USP6NL: variants seen among roughly 807,000 people sequenced by gnomAD.
USP6NL encodes the protein USP6 N-terminal like, also known as USP6 N-terminal-like protein.
Under a neutral mutation model 61.9 loss-of-function variants are expected in USP6NL, and 26 were observed. The observed-to-expected ratio is 0.42, with a 90% CI of 0.31 to 0.58. The LOEUF is 0.58. USP6NL is among the 20% of genes least tolerant of loss of function. The pLI, the probability that USP6NL is intolerant of heterozygous loss-of-function variation, is 0.16. For synonymous variants in USP6NL, 432 were observed against 390.1 expected (o/e 1.11, Z -1.27); for missense variants, 1,114 against 1,034.3 (o/e 1.08, Z -1.06).
intron 6 of USP6NL, among the ~76,000 whole-genome samples, chr10:11,509,155 T>C (rs1461339945): frequency 6.6e-6 from 1 of 152,256 alleles, no homozygotes; most frequent in African/African-American, 2.4e-5. Flanking sequence ...TTGCTCCTGC[T>C]TGAGGGAATG....
At chr10:11,608,966 C>T (rs1227293453) in intron 1 of USP6NL, among the ~76,000 whole-genome samples, 1 of 152,220 alleles carries the variant, frequency 6.6e-6, no homozygotes, top group East Asian at 1.9e-4. Context: ...CTTACAGTGA[C>T]TTCCACTGTA....
In USP6NL at chr10:11,485,746, G is replaced by A. The variant is rs570922391; in HGVS notation, c.759+71C>T. The A allele has an allele frequency of 2.7e-4, 269 of 1,000,670 alleles. 1 individual carries two copies. The African/African-American group carries it at 3.8e-3, about 14-fold the overall frequency. The allele number at this position is 1,000,670 out of a possible 1,614,324, so 62.0% of individuals were successfully genotyped here. On this transcript the variant is annotated intron_variant, in intron 11 of 14. Transcript: ENST00000609104. The surrounding 1 kb of genome is among the most constrained non-coding windows in gnomAD (Gnocchi z 4.8). ...AAATTAATAAGGTAATTGGACCAAA[G>A]ACAATTTAATTATCCCAGCTTTTTT...
chr10:11,570,059 C>T (rs1837302744), intron 2 of USP6NL, among the ~76,000 whole-genome samples: 1 of 152,188 alleles, frequency 6.6e-6, no homozygotes, highest in Non-Finnish European at 1.5e-5. Context: ...AGCTAGCTAG[C>T]TAGCCTTTAT....
rs1373471012 is a variant in USP6NL at position 11,489,123 on chromosome 10, C to T, written c.643G>A (p.Gly215Ser). The stretch of plus-strand genomic sequence containing the variant: ...TTACCATGCATGGCATGTTTAGGGC[C>T]TGAGAAGAGTTTGACCAGGGCCCAG... ...AFWALVKLFSGPKHAMHGFFV... is the reference protein window; with the variant it reads ...AFWALVKLFSSPKHAMHGFFV... Residue 215 changes from glycine (G) to serine (S), a missense_variant, in exon 10 of 15, where the codon GGC (glycine) becomes AGC (serine). Gly to Ser is a moderately conservative substitution (Grantham distance 56). Transcript: ENST00000609104. The surrounding 1 kb of genome is among the most constrained non-coding windows in gnomAD (Gnocchi z 5.7). 6.2e-7 allele frequency: 1 copy of T among 1,613,842 alleles called. No individual in the cohort carries two copies. Among genetic ancestry groups the T allele is most frequent in the Admixed American group, 1.7e-5 (1 of 60,028 alleles).
chr10:11,506,230 AT>A (rs1190736229), intron 6 of USP6NL, among the ~76,000 whole-genome samples: 7 of 152,350 alleles, frequency 4.6e-5, no homozygotes, highest in Non-Finnish European at 7.3e-5. Flanking sequence ...CAACAAAAAA[AT>A]ATGTGTATTT....
intron 14 of USP6NL, among the ~76,000 whole-genome samples, chr10:11,477,889 G>A (rs1013958474): frequency 3.3e-4 from 50 of 152,252 alleles, no homozygotes; most frequent in African/African-American, 1.2e-3. Context: ...CAAGCACTTT[G>A]ATTTTTCAAG....
intron 13 of USP6NL, among the ~76,000 whole-genome samples, chr10:11,484,507 C>A (rs1254798044): frequency 6.6e-6 from 1 of 151,936 alleles, no homozygotes; most frequent in East Asian, 1.9e-4. Context: ...GTGCTCCCAA[C>A]CACAGTTCAG....
chr10:11,580,867 TGATG>T (rs112761648), intron 2 of USP6NL, among the ~76,000 whole-genome samples: 1,897 of 149,848 alleles, frequency 0.013, 14 homozygotes, highest in African/African-American at 0.026. Flanking sequence ...AACGGATAGA[TGATG>T]GATGGATGGA....
chr10:11,571,305 C>T (rs1837352303), intron 2 of USP6NL, among the ~76,000 whole-genome samples: 1 of 151,976 alleles, frequency 6.6e-6, no homozygotes, highest in Non-Finnish European at 1.5e-5. Flanking sequence ...AGGCTGGTCT[C>T]GAAATCCCGA....
At chr10:11,488,669 C>T (rs1833581130) in intron 10 of USP6NL, among the ~76,000 whole-genome samples, 1 of 152,160 alleles carries the variant, frequency 6.6e-6, no homozygotes, top group African/African-American at 2.4e-5. Context: ...TGTCATTTCT[C>T]AATTACTGTT....
In USP6NL at chr10:11,509,667, G is replaced by C. The variant is rs1250977091; in HGVS notation, c.204C>G (p.His68Gln). The change falls in exon 6 of 15, where the codon CAC becomes CAG. Residue 68 changes from histidine to glutamine, a missense_variant. Coordinates refer to ENST00000609104, the MANE Select transcript of USP6NL (RefSeq NM_014688.5). Reference sequence around the variant, plus strand: ...ATTTGGTAGTTCTTTCAATTTCCAGGTGCTTTTGCTAAAATAAAATTGAAA... The same window carrying C: ...ATTTGGTAGTTCTTTCAATTTCCAGCTGCTTTTGCTAAAATAAAATTGAAA... ...DHNVAVERQKHLEIERTTKWL... is the reference protein window; with the variant it reads ...DHNVAVERQKQLEIERTTKWL... 1 of 1,559,952 alleles carries C rather than the reference G, an allele frequency of 6.4e-7. No individual in the cohort carries two copies. Among genetic ancestry groups the C allele is most frequent in the Admixed American group, 1.9e-5 (1 of 51,716 alleles).
intron 6 of USP6NL, among the ~76,000 whole-genome samples, chr10:11,508,692 C>A (rs894323956): frequency 6.6e-6 from 1 of 152,150 alleles, no homozygotes; most frequent in Non-Finnish European, 1.5e-5. Flanking sequence ...CGAGCAGTGA[C>A]GAGACGGGAA....
chr10:11,568,171 G>A (rs1284867712), intron 2 of USP6NL, among the ~76,000 whole-genome samples: 2 of 151,990 alleles, frequency 1.3e-5, no homozygotes, highest in African/African-American at 4.8e-5. Context: ...GTGTGTGTGT[G>A]TGTGCGCGCG....
chr10:11,551,770 A>G (rs1836498273), intron 2 of USP6NL, among the ~76,000 whole-genome samples: 1 of 152,198 alleles, frequency 6.6e-6, no homozygotes, highest in Non-Finnish European at 1.5e-5. Context: ...TTCACCTAGG[A>G]TCTTAAGTTA....
intron 2 of USP6NL, among the ~76,000 whole-genome samples, chr10:11,542,763 T>A (rs1333270795): frequency 1.3e-5 from 2 of 152,116 alleles, no homozygotes; most frequent in Non-Finnish European, 2.9e-5. Context: ...AAACTCACCA[T>A]GTGGACAAGG....
chr10:11,492,239 G>C (rs1833734929), intron 8 of USP6NL, among the ~76,000 whole-genome samples: 1 of 152,212 alleles, frequency 6.6e-6, no homozygotes, highest in Admixed American at 6.5e-5. Context: ...GGTGGTGTGT[G>C]TGAGTGCCAA....
At chr10:11,526,635 G>A (rs890012766) in intron 3 of USP6NL, among the ~76,000 whole-genome samples, 3 of 152,174 alleles carry the variant, frequency 2.0e-5, no homozygotes, top group Non-Finnish European at 4.4e-5. Flanking sequence ...CATGGAAGCA[G>A]GACACAGTGC....
At chr10:11,550,749 C>T (rs1245665948) in intron 2 of USP6NL, among the ~76,000 whole-genome samples, 2 of 150,892 alleles carry the variant, frequency 1.3e-5, no homozygotes, top group East Asian at 1.9e-4. Context: ...GAGTGAGACT[C>T]CGTCTCAAAA....
At chr10:11,607,157 G>A (rs527741964) in intron 1 of USP6NL, among the ~76,000 whole-genome samples, 2 of 152,006 alleles carry the variant, frequency 1.3e-5, no homozygotes, top group Admixed American at 6.6e-5. Context: ...TTTAATATGG[G>A]CACCAGGGAA....
Sources: gnomAD v4.1 joint callset for allele counts (sites outside exome capture counted in the v4.1 genomes callset) on GRCh38, gnomAD v4.1.1 for gene constraint, Gnocchi (gnomAD v3.1) non-coding constraint, MANE v1.5 for transcripts, NCBI Gene and HGNC (gene_info 2026-07-23, HGNC 2026-07-21) for gene names.